PRR13: variants seen among roughly 807,000 people sequenced by gnomAD.
PRR13 encodes the protein proline rich 13.
A neutral mutation model predicts 11.5 loss-of-function variants in PRR13; 7 were observed. The observed-to-expected ratio is 0.61, with a 90% CI of 0.34 to 1.14. PRR13 has a LOEUF of 1.14. Ranked by LOEUF, PRR13 falls within the 50% of genes most tolerant of loss-of-function variation. PRR13 has a pLI of 0.03. For missense variants in PRR13, 155 were observed against 194.4 expected, an observed-to-expected ratio of 0.80 and a Z score of 1.21; for synonymous variants, 53 against 67.8, an observed-to-expected ratio of 0.78 and a Z score of 1.07.
Position 53,442,775 on chromosome 12 carries a change from TGATGGGCTCTATAACAG to T in PRR13, c.19+45_19+61del, listed in dbSNP as rs776063688. On this transcript the variant is annotated intron_variant, in intron 2 of 3. Transcript: ENST00000429243. ...TCTGTTCCACCCCTAACCCTTTTTC[TGATGGGCTCTATAACAG>T]GAAGTTTCTGTATCAGCTCCCCTAC... 7 of 1,579,370 alleles carry T rather than the reference TGATGGGCTCTATAACAG, an allele frequency of 4.4e-6. No individual in the cohort carries two copies. The African/African-American group carries it at 8.1e-5, about 18-fold the overall frequency.
At chr12:53,442,929 T>C (rs896690263) in intron 2 of PRR13, 196 bp downstream of exon 2, 4 of 476,264 alleles carry the variant, frequency 8.4e-6, no homozygotes, top group African/African-American at 8.1e-5. Context: ...TTGCCCAGGC[T>C]CACTGCAACC....
intron 3 of PRR13, among the ~76,000 whole-genome samples, chr12:53,444,866 C>T (rs1293285034): frequency 6.6e-6 from 1 of 151,982 alleles, no homozygotes; most frequent in Non-Finnish European, 1.5e-5. Flanking sequence ...CCACTGCACT[C>T]CAGCCTCGGT....
chr12:53,442,283 C>T, intron 1 of PRR13: 1 of 213,490 alleles, frequency 4.7e-6, no homozygotes, highest in Non-Finnish European at 9.4e-6. Context: ...CTTGCTCCGT[C>T]GCCCAGGCTA....
At chr12:53,441,974 G>A (rs1022618769) in intron 1 of PRR13, 182 bp downstream of exon 1, 1 of 612,062 alleles carries the variant, frequency 1.6e-6, no homozygotes, top group Non-Finnish European at 2.9e-6. Flanking sequence ...GCCTCGAGGC[G>A]TATCCTTTTT....
chr12:53,443,271 T>C (rs1414239325), intron 2 of PRR13, 120 bp from the exon 3 acceptor site: 33 of 1,131,898 alleles, frequency 2.9e-5, no homozygotes, highest in Non-Finnish European at 3.3e-5. Context: ...CCCTCCATTC[T>C]TCTTTGTCAT....
chr12:53,444,329 G>GTTTTTT, intron 3 of PRR13, among the ~76,000 whole-genome samples: 1 of 131,350 alleles, frequency 7.6e-6, no homozygotes, highest in Non-Finnish European at 1.6e-5. Context: ...GACTAAGGAG[G>GTTTTTT]TTTTTTTTTT....
chr12:53,442,463 T>C (rs1940312404), intron 1 of PRR13: 1 of 428,114 alleles, frequency 2.3e-6, no homozygotes, highest in Non-Finnish European at 4.3e-6. Flanking sequence ...CAGGCTGGTC[T>C]CGAACTCTTG....
chr12:53,443,913 T>G, intron 3 of PRR13, 140 bp downstream of exon 3: 1 of 1,042,390 alleles, frequency 9.6e-7, no homozygotes, highest in African/African-American at 1.6e-5. Flanking sequence ...ATTCTTCCTT[T>G]TTATAAAAGA....
intron 1 of PRR13, 159 bp from the exon 2 acceptor site, chr12:53,442,536 C>A: frequency 1.6e-6 from 1 of 631,472 alleles, no homozygotes; most frequent in Non-Finnish European, 2.8e-6. Context: ...AGCCACCGCG[C>A]CCAGCCAGAA....
chr12:53,445,584 C>T (rs771904006), intron 3 of PRR13, among the ~76,000 whole-genome samples: 4 of 152,088 alleles, frequency 2.6e-5, no homozygotes, highest in Non-Finnish European at 5.9e-5. Flanking sequence ...ACTGCTGTTT[C>T]TACTGTCTTT....
At chr12:53,444,071 G>T (rs985942704) in intron 3 of PRR13, 1 of 458,580 alleles carries the variant, frequency 2.2e-6, no homozygotes, top group Non-Finnish European at 3.8e-6. Context: ...CTCCCCTCCC[G>T]CCAGGTGCAT....
chr12:53,442,568 A>G, intron 1 of PRR13, 127 bp from the exon 2 acceptor site: 4 of 775,282 alleles, frequency 5.2e-6, no homozygotes, highest in Non-Finnish European at 6.6e-6. Flanking sequence ...CTTATGTGGA[A>G]GTTGTGGTAG....
At chr12:53,443,860 T>C in intron 3 of PRR13, 87 bp downstream of exon 3, 2 of 1,425,540 alleles carry the variant, frequency 1.4e-6, no homozygotes, top group Non-Finnish European at 1.9e-6. Context: ...GGATTCACAT[T>C]CTGTGGACGT....
chr12:53,442,660 C>T (rs1940316138), intron 1 of PRR13, 35 bp from the exon 2 acceptor site: 1 of 1,559,582 alleles, frequency 6.4e-7, no homozygotes, highest in Non-Finnish European at 8.8e-7. Context: ...TACCTCTAGA[C>T]CGTCATCTTT....
At chr12:53,442,009 A>C (rs913872168) in intron 1 of PRR13, 1 of 597,402 alleles carries the variant, frequency 1.7e-6, no homozygotes, top group African/African-American at 1.9e-5. Flanking sequence ...GGTCCTCCCC[A>C]GGGAGAGAGA....
rs180927034 is a variant in PRR13, at chr12:53,441,773, G to T, written c.-40G>T. The stretch of plus-strand genomic sequence containing the variant: ...GAGACTGCGAAGGAGAACGCAGCAA[G>T]CCCAGGCGGCGGTGGAAAGGTGATG... On this transcript the variant is annotated 5_prime_UTR_variant, in exon 1 of 4. Transcript: ENST00000429243. 84 of 702,318 alleles carry T rather than the reference G, an allele frequency of 1.2e-4. No homozygotes were observed. In the Admixed American group the frequency reaches 1.6e-3, roughly 13 times the overall value. 43.5% of individuals were successfully genotyped at this position (702,318 alleles called of 1,614,324 possible). A position where few individuals can be genotyped will look rare whatever the true frequency, so the allele number is the denominator to read the frequency against.
At chr12:53,444,456 A>G (rs1212923898) in intron 3 of PRR13, among the ~76,000 whole-genome samples, 1 of 151,548 alleles carries the variant, frequency 6.6e-6, no homozygotes, top group African/African-American at 2.4e-5. Context: ...CAGCCTCCCG[A>G]GTAGCTGGGA....
rs187973643 is a variant in PRR13 at position 53,441,746 on chromosome 12, C to G, written c.-67C>G. On this transcript the variant is annotated 5_prime_UTR_variant, in exon 1 of 4. Coordinates refer to ENST00000429243, the MANE Select transcript of PRR13 (RefSeq NM_018457.4). ...ACGGGGTCTGGGTGACTAGGAAGAG[C>G]CGAGACTGCGAAGGAGAACGCAGCA... The G allele has an allele frequency of 1.4e-6, 1 of 701,222 alleles. No individual in the cohort carries two copies. Among genetic ancestry groups the G allele is most frequent in the Non-Finnish European group, 2.6e-6 (1 of 384,512 alleles). The allele number at this position is 701,222 out of a possible 1,614,324, so 43.4% of individuals were successfully genotyped here.
Position 53,443,390 on chromosome 12 carries a change from G to A in PRR13, c.20-1G>A. The A allele has an allele frequency of 7.2e-7, 1 of 1,398,166 alleles. No homozygotes were observed. Among genetic ancestry groups the A allele is most frequent in the Non-Finnish European group, 9.4e-7 (1 of 1,068,196 alleles). 86.6% of individuals were successfully genotyped at this position (1,398,166 alleles called of 1,614,324 possible). ...TGTTTATTCTCTGCTTCTTCCACCA[G>A]GGCAGCCAGGGCCAAATCCATATCC... On this transcript the variant is annotated splice_acceptor_variant, in intron 2 of 3. Transcript: ENST00000429243. LOFTEE classifies it high-confidence loss of function.
Sources: allele counts gnomAD v4.1 joint callset (sites outside exome capture counted in the v4.1 genomes callset), GRCh38; gene constraint gnomAD v4.1.1; transcripts MANE v1.5; gene names NCBI Gene and HGNC (gene_info 2026-07-23, HGNC 2026-07-21).